The following IL1R1 variants were observed in gnomAD, a reference collection of about 807,000 sequenced individuals.
IL1R1 encodes the protein interleukin-1 receptor type 1.
In IL1R1, 22 loss-of-function variants were observed where a neutral mutation model predicts 50.2. The observed-to-expected ratio is 0.44, with a 90% CI of 0.31 to 0.63. The LOEUF is 0.63. IL1R1 is among the 20% of genes least tolerant of loss of function. The probability of loss-of-function intolerance (pLI) is 0.07; values close to 1 mark genes in which losing one functional copy is unlikely to be tolerated. For missense variants in IL1R1, 509 were observed against 676.2 expected (o/e 0.75, Z 2.74); for synonymous variants, 251 against 236.7 (o/e 1.06, Z -0.55).
At chr2:102,146,321 C>A (rs1294000771) in intron 1 of IL1R1, among the ~76,000 whole-genome samples, 3 of 152,068 alleles carry the variant, frequency 2.0e-5, no homozygotes, top group Admixed American at 6.5e-5. Flanking sequence ...TAAAACACCC[C>A]TTTTATAATT....
At chr2:102,140,424 G>T (rs1682579520), upstream of IL1R1, among the ~76,000 whole-genome samples, 2 of 152,210 alleles carry the variant, frequency 1.3e-5, no homozygotes, top group Non-Finnish European at 2.9e-5. Flanking sequence ...CAGGGTCTCA[G>T]TTAAGTCTCC....
intron 3 of IL1R1, among the ~76,000 whole-genome samples, chr2:102,160,764 C>T (rs1448132014): frequency 6.6e-6 from 1 of 152,210 alleles, no homozygotes; most frequent in African/African-American, 2.4e-5. Context: ...TTGCCTTTCC[C>T]ATGGGAACCC....
At chr2:102,077,331 A>G (rs1166169781) in intron 1 of IL1R1, among the ~76,000 whole-genome samples, 1 of 152,214 alleles carries the variant, frequency 6.6e-6, no homozygotes. Flanking sequence ...TTGGCCTCCC[A>G]AAGTGCTGGG....
rs765018514 is a variant in IL1R1, at chr2:102,176,704, T to C, written c.1655T>C (p.Leu552Pro). 4 of 1,614,180 alleles carry C rather than the reference T, an allele frequency of 2.5e-6. No individual in the cohort carries two copies. The highest frequency in any genetic ancestry group is 3.4e-6 in the Non-Finnish European group (4 of 1,180,034). ...TCACCTTCATCTAAACACCAGTTAC[T>C]GTCACCAGCCACTAAGGAGAAACTG... ...RRSPSSKHQL[L>P]SPATKEKLQR... The change falls in exon 12 of 12, where the codon CTG becomes CCG. Residue 552 changes from leucine to proline, a missense_variant. By Grantham distance (98) the Leu-to-Pro change is moderately conservative. Transcript: ENST00000410023.
intron 11 of IL1R1, chr2:102,176,108 G>A (rs1326562168): frequency 2.1e-6 from 1 of 479,678 alleles, no homozygotes; most frequent in Non-Finnish European, 3.7e-6. Flanking sequence ...GGTCACTTGA[G>A]CCTAGGAGTT....
chr2:102,109,294 C>T (rs1275088385), intron 1 of IL1R1, among the ~76,000 whole-genome samples: 1 of 152,102 alleles, frequency 6.6e-6, no homozygotes, highest in East Asian at 1.9e-4. Flanking sequence ...TATTGAGTCA[C>T]CTACTAAAGG....
chr2:102,103,003 G>C (rs1029398178), upstream of IL1R1, among the ~76,000 whole-genome samples: 1 of 152,104 alleles, frequency 6.6e-6, no homozygotes, highest in Non-Finnish European at 1.5e-5. Flanking sequence ...CTTGAGGATG[G>C]AGTGTGGGAG....
intron 7 of IL1R1, among the ~76,000 whole-genome samples, chr2:102,169,935 G>A (rs773494840): frequency 6.6e-6 from 1 of 152,084 alleles, no homozygotes; most frequent in Non-Finnish European, 1.5e-5. Flanking sequence ...GCCCTTTGGA[G>A]TACCACAAAC....
At chr2:102,078,876 A>G (rs1455459426) in intron 1 of IL1R1, among the ~76,000 whole-genome samples, 1 of 152,166 alleles carries the variant, frequency 6.6e-6, no homozygotes, top group Non-Finnish European at 1.5e-5. Flanking sequence ...AGCAGCTATA[A>G]AAGAATCATA....
At chr2:102,119,534 T>C (rs1681286566) in intron 1 of IL1R1, among the ~76,000 whole-genome samples, 1 of 152,262 alleles carries the variant, frequency 6.6e-6, no homozygotes, top group Non-Finnish European at 1.5e-5. Flanking sequence ...TGGTGCTCAG[T>C]GGCTTTCTCA....
rs201709269 is a variant in IL1R1, at chr2:102,177,633, G to A, written c.*874G>A. The A allele has an allele frequency of 5.3e-5, 8 of 152,302 alleles. No homozygotes were observed. Among genetic ancestry groups the A allele is most frequent in the Non-Finnish European group, 1.2e-4 (8 of 68,034 alleles). 9.4% of individuals were successfully genotyped at this position (152,302 alleles called of 1,614,324 possible). Reference sequence around the variant, plus strand: ...GAAAACTCACTTCAATGAACAAAGGGATTCTCCAGGATTCCAAAGTTTTGA... The same window carrying A: ...GAAAACTCACTTCAATGAACAAAGGAATTCTCCAGGATTCCAAAGTTTTGA... On this transcript the variant is annotated 3_prime_UTR_variant, in exon 12 of 12. Coordinates refer to ENST00000410023, the MANE Select transcript of IL1R1 (RefSeq NM_000877.4).
chr2:102,118,439 A>T (rs938926605), intron 1 of IL1R1, among the ~76,000 whole-genome samples: 1 of 152,168 alleles, frequency 6.6e-6, no homozygotes, highest in Non-Finnish European at 1.5e-5. Flanking sequence ...TCTGTGAGCC[A>T]TCCCAGCAAA....
chr2:102,145,170 CA>C (rs1683008950), intron 1 of IL1R1, among the ~76,000 whole-genome samples: 4 of 152,324 alleles, frequency 2.6e-5, no homozygotes, highest in South Asian at 4.1e-4. Context: ...AAGAAGTTGT[CA>C]GGGGCACCTG....
At chr2:102,100,991 G>T (rs1013241147), upstream of IL1R1, among the ~76,000 whole-genome samples, 4 of 152,160 alleles carry the variant, frequency 2.6e-5, no homozygotes, top group African/African-American at 9.7e-5. Context: ...GGATGGCATG[G>T]TTAATTCTCT....
intron 1 of IL1R1, among the ~76,000 whole-genome samples, chr2:102,077,480 T>TA (rs1679020499): frequency 6.6e-6 from 1 of 152,196 alleles, no homozygotes; most frequent in Admixed American, 6.5e-5. Context: ...TATTTTACCT[T>TA]AAAAAAATCT....
chr2:102,091,850 G>A (rs1026082976), intron 1 of IL1R1, among the ~76,000 whole-genome samples: 6 of 152,200 alleles, frequency 3.9e-5, no homozygotes, highest in East Asian at 1.9e-4. Flanking sequence ...AACTTTTTAA[G>A]CTCCTATACA....
Position 102,174,634 on chromosome 2 carries a change from G to A in IL1R1, c.1039G>A (p.Val347Ile), listed in dbSNP as rs1461234796. The change falls in exon 10 of 12, where the codon GTC (valine) becomes ATC (isoleucine). Residue 347 changes from valine (V) to isoleucine (I), a missense_variant. Coordinates refer to ENST00000410023, the MANE Select transcript of IL1R1 (RefSeq NM_000877.4). The part of the protein sequence containing the change: ...HMIGICVTLT[V>I]IIVCSVFIYK... ...GATTGGTATATGTGTCACGTTGACA[G>A]TCATAATTGTGTGTTCTGTTTTCAT... 6.2e-7 allele frequency: 1 copy of A among 1,611,520 alleles called. No homozygotes were observed. The highest frequency in any genetic ancestry group is 1.1e-5 in the South Asian group (1 of 90,768).
At chr2:102,097,946 C>T (rs1030229114) in intron 1 of IL1R1, among the ~76,000 whole-genome samples, 1 of 151,850 alleles carries the variant, frequency 6.6e-6, no homozygotes, top group South Asian at 2.1e-4. Context: ...ACCATTGACA[C>T]CAAAACTAGA....
intron 3 of IL1R1, 33 bp from the exon 4 acceptor site, chr2:102,164,741 T>A (rs1644458598): frequency 4.8e-6 from 7 of 1,462,622 alleles, no homozygotes; most frequent in Non-Finnish European, 6.7e-6. Flanking sequence ...CAGATTTTTA[T>A]GTAAATTGCT....
Sources: allele counts gnomAD v4.1 joint callset (sites outside exome capture counted in the v4.1 genomes callset), GRCh38; gene constraint gnomAD v4.1.1; transcripts MANE v1.5; gene names NCBI Gene and HGNC (gene_info 2026-07-23, HGNC 2026-07-21).